The following CDCA4 variants were observed in gnomAD, a reference collection of about 807,000 sequenced individuals.
The protein encoded by CDCA4 is cell division cycle-associated protein 4.
For missense variants in CDCA4, 294 were observed against 322.1 expected (o/e 0.91, Z 0.67); for synonymous variants, 130 against 137.0 (o/e 0.95, Z 0.36).
chr14:105,013,878 G>A (rs749266198), intron 1 of CDCA4, among the ~76,000 whole-genome samples: 1 of 152,178 alleles, frequency 6.6e-6, no homozygotes, highest in Non-Finnish European at 1.5e-5. Context: ...GTTCCAGAAT[G>A]TGCACAGCAG....
In CDCA4 at chr14:105,010,359, C is replaced by T. The variant is rs1309816866; in HGVS notation, c.*845G>A. On this transcript the variant is annotated 3_prime_UTR_variant, in exon 2 of 2. Coordinates refer to ENST00000336219, the MANE Select transcript of CDCA4 (RefSeq NM_017955.4). ...GAACACTGCCTTGAGAAGGCACCACCGAGGGGCTATGAGGTCCCTGAAGAC... is the reference window on the plus strand; with the variant it reads ...GAACACTGCCTTGAGAAGGCACCACTGAGGGGCTATGAGGTCCCTGAAGAC... 1 of 152,290 alleles carries T rather than the reference C, an allele frequency of 6.6e-6. No individual in the cohort carries two copies. Among genetic ancestry groups the T allele is most frequent in the Non-Finnish European group, 1.5e-5 (1 of 68,028 alleles). 9.4% of individuals were successfully genotyped at this position (152,290 alleles called of 1,614,324 possible). A position where few individuals can be genotyped will look rare whatever the true frequency, so the allele number is the denominator to read the frequency against.
At chr14:105,017,299 A>C (rs1595455096) in intron 1 of CDCA4, among the ~76,000 whole-genome samples, 1 of 151,242 alleles carries the variant, frequency 6.6e-6, no homozygotes, top group Non-Finnish European at 1.5e-5. Context: ...TGCAACCTCC[A>C]CCTCCTAGGT....
chr14:105,019,111 C>T (rs1886157291), intron 1 of CDCA4, among the ~76,000 whole-genome samples: 1 of 152,104 alleles, frequency 6.6e-6, no homozygotes, highest in South Asian at 2.1e-4. Context: ...AGGTTGTTAC[C>T]GGGACAGCCA....
At chr14:105,020,487 C>G (rs1470900897) in intron 1 of CDCA4, among the ~76,000 whole-genome samples, 1 of 152,240 alleles carries the variant, frequency 6.6e-6, no homozygotes, top group South Asian at 2.1e-4. Context: ...CCTAGTCCCA[C>G]CTCGCACCGC....
chr14:105,015,201 C>A (rs895794156), intron 1 of CDCA4, among the ~76,000 whole-genome samples: 4 of 152,144 alleles, frequency 2.6e-5, no homozygotes, highest in Non-Finnish European at 4.4e-5. Context: ...ACCCTCCCGC[C>A]CTTTTCTGAA....
intron 1 of CDCA4, among the ~76,000 whole-genome samples, chr14:105,019,823 T>A (rs1356704073): frequency 6.6e-6 from 1 of 152,242 alleles, no homozygotes; most frequent in African/African-American, 2.4e-5. Flanking sequence ...TTCTCCTGCC[T>A]CAGCCTCCCA....
At chr14:105,013,988 T>C (rs1269093695) in intron 1 of CDCA4, among the ~76,000 whole-genome samples, 1 of 152,140 alleles carries the variant, frequency 6.6e-6, no homozygotes, top group Admixed American at 6.5e-5. Context: ...CAAATCCTAC[T>C]CTGCAATAGA....
At chr14:105,016,799 A>T (rs1330523541) in intron 1 of CDCA4, among the ~76,000 whole-genome samples, 1 of 152,244 alleles carries the variant, frequency 6.6e-6, no homozygotes, top group East Asian at 1.9e-4. Flanking sequence ...CTCCTTCAGC[A>T]TAATTCTCTT....
At chr14:105,018,037 G>A (rs1484260336) in intron 1 of CDCA4, among the ~76,000 whole-genome samples, 1 of 152,004 alleles carries the variant, frequency 6.6e-6, no homozygotes, top group African/African-American at 2.4e-5. Context: ...GAACCTTCAG[G>A]ACAGGCAAAG....
chr14:105,017,553 C>T (rs952800283), intron 1 of CDCA4, among the ~76,000 whole-genome samples: 15 of 152,132 alleles, frequency 9.9e-5, no homozygotes, highest in African/African-American at 2.9e-4. Flanking sequence ...TTAAACAGCC[C>T]GGGCACAGTG....
At chr14:105,017,443 C>T (rs1050029980) in intron 1 of CDCA4, among the ~76,000 whole-genome samples, 1 of 151,978 alleles carries the variant, frequency 6.6e-6, no homozygotes, top group African/African-American at 2.4e-5. Flanking sequence ...AGGCTGGTCT[C>T]GAACTCCTGA....
chr14:105,016,892 C>A (rs1900665762), intron 1 of CDCA4, among the ~76,000 whole-genome samples: 4 of 152,268 alleles, frequency 2.6e-5, no homozygotes. Flanking sequence ...TGTCACCACA[C>A]CCCAGCTGAA....
chr14:105,015,535 T>G (rs1431010759), intron 1 of CDCA4, among the ~76,000 whole-genome samples: 1 of 152,234 alleles, frequency 6.6e-6, no homozygotes, highest in African/African-American at 2.4e-5. Context: ...TCCAGGAAGC[T>G]AAACAATCAT....
Position 105,010,791 on chromosome 14 carries a change from G to C in CDCA4, c.*413C>G, listed in dbSNP as rs1400359153. 1 of 170,846 alleles carries C rather than the reference G, an allele frequency of 5.9e-6. No individual in the cohort carries two copies. The highest frequency in any genetic ancestry group is 2.4e-5 in the African/African-American group (1 of 42,182). The allele number at this position is 170,846 out of a possible 1,614,324, so 10.6% of individuals were successfully genotyped here. A position where few individuals can be genotyped will look rare whatever the true frequency, so the allele number is the denominator to read the frequency against. The stretch of plus-strand genomic sequence containing the variant: ...AAGAAAATAGCTGAAAAAATCTAAA[G>C]AGATAAGGTATAAAAAGTTTAAAAA... On this transcript the variant is annotated 3_prime_UTR_variant, in exon 2 of 2. Transcript: ENST00000336219.
chr14:105,011,122 T>C lies in CDCA4; in HGVS notation c.*82A>G, dbSNP rs1242859177. On this transcript the variant is annotated 3_prime_UTR_variant, in exon 2 of 2. Transcript: ENST00000336219. The stretch of plus-strand genomic sequence containing the variant: ...AGACAGGGCAGCAAGGCTGGGCCGC[T>C]GGCGGCAGGCGCACCCTCCGTGGGA... The C allele has an allele frequency of 3.2e-5, 47 of 1,474,942 alleles. No individual in the cohort carries two copies. The highest frequency in any genetic ancestry group is 5.7e-5 in the African/African-American group (4 of 70,466). 91.4% of individuals were successfully genotyped at this position (1,474,942 alleles called of 1,614,324 possible).
intron 1 of CDCA4, among the ~76,000 whole-genome samples, chr14:105,013,688 G>A (rs7146925): frequency 0.55 from 83,249 of 151,648 alleles, 25,423 homozygotes; most frequent in Middle Eastern, 0.72. Flanking sequence ...CCCTCTGGAG[G>A]CTCCCACCTG....
rs186589636 is a variant in CDCA4 at position 105,017,841 on chromosome 14, C to A, written c.-7+3158G>T. Among the ~76,000 whole-genome samples the A allele has an allele frequency of 9.6e-5, 14 of 146,356 alleles. 1 individual carries two copies. The highest frequency in any genetic ancestry group is 2.4e-4 in the African/African-American group (9 of 36,982). ...GCGAGACTCCGTCTCAAAAAAAAAA[C>A]ACACACACACAAAAAAAACACTTAA... On this transcript the variant is annotated intron_variant, in intron 1 of 1. Coordinates refer to ENST00000336219, the MANE Select transcript of CDCA4 (RefSeq NM_017955.4).
At chr14:105,019,933 G>A (rs1886182465) in intron 1 of CDCA4, among the ~76,000 whole-genome samples, 1 of 152,138 alleles carries the variant, frequency 6.6e-6, no homozygotes, top group East Asian at 1.9e-4. Flanking sequence ...AGCTAGTCTC[G>A]AACTCGGGAC....
At chr14:105,013,593 G>A (rs1037124722) in intron 1 of CDCA4, among the ~76,000 whole-genome samples, 2 of 152,140 alleles carry the variant, frequency 1.3e-5, no homozygotes, top group Non-Finnish European at 2.9e-5. Context: ...GGCACATGCT[G>A]TCTCTGCTCG....
Sources: allele counts gnomAD v4.1 joint callset (sites outside exome capture counted in the v4.1 genomes callset), GRCh38; gene constraint gnomAD v4.1.1; transcripts MANE v1.5; gene names NCBI Gene and HGNC (gene_info 2026-07-23, HGNC 2026-07-21).